The following SPMIP6 variants were observed in gnomAD, a reference collection of about 807,000 sequenced individuals.
SPMIP6 encodes the protein sperm microtubule inner protein 6.
the SPMIP6 span, chr9:34,381,428 G>A: frequency 3.8e-5 from 61 of 1,613,930 alleles, no homozygotes; most frequent in Non-Finnish European, 5.1e-5. This position sits in a 1 kb window ranked among gnomAD's most constrained non-coding sequence, Gnocchi z 4.4. Flanking sequence ...TCGAACTGCT[G>A]TCTCCATCCT....
the SPMIP6 span, among the ~76,000 whole-genome samples, chr9:34,397,178 G>A: frequency 6.6e-6 from 1 of 152,134 alleles, no homozygotes; most frequent in Non-Finnish European, 1.5e-5. Context: ...CACCTTGAGA[G>A]AGGGTTTTCC....
chr9:34,392,674 T>C, the SPMIP6 span, among the ~76,000 whole-genome samples: 1 of 152,174 alleles, frequency 6.6e-6, no homozygotes, highest in African/African-American at 2.4e-5. This position sits in a 1 kb window ranked among gnomAD's most constrained non-coding sequence, Gnocchi z 4.6. Context: ...CATCTATTTT[T>C]AAGCCTGAAG....
the SPMIP6 span, chr9:34,382,757 AG>A: frequency 6.2e-7 from 1 of 1,611,002 alleles, no homozygotes; most frequent in Non-Finnish European, 8.5e-7. Context: ...CAGATACCTT[AG>A]GCAGCCGAGG....
the SPMIP6 span, among the ~76,000 whole-genome samples, chr9:34,395,162 C>A: frequency 2.6e-3 from 392 of 152,210 alleles, 1 homozygote; most frequent in African/African-American, 9.0e-3. Flanking sequence ...AGGATTTCAC[C>A]ATGATGCCCA....
chr9:34,388,968 G>A, the SPMIP6 span, among the ~76,000 whole-genome samples: 476 of 118,962 alleles, frequency 4.0e-3, 1 homozygote, highest in African/African-American at 0.015. Flanking sequence ...GGGTCTCACT[G>A]TTGCCCAGGC....
the SPMIP6 span, among the ~76,000 whole-genome samples, chr9:34,394,584 C>T: frequency 1.3e-5 from 2 of 152,008 alleles, no homozygotes; most frequent in Admixed American, 1.3e-4. Flanking sequence ...ATTGTGAGCT[C>T]ATGTTTAATT....
the SPMIP6 span, chr9:34,379,896 T>A: frequency 1.7e-6 from 1 of 583,032 alleles, no homozygotes; most frequent in Non-Finnish European, 3.1e-6. The surrounding 1 kb of genome is among the most constrained non-coding windows in gnomAD (Gnocchi z 4.2). Flanking sequence ...CAGCACCGAT[T>A]CGGGAACCCC....
the SPMIP6 span, chr9:34,385,900 C>G: frequency 1.1e-6 from 1 of 936,420 alleles, no homozygotes; most frequent in South Asian, 1.7e-5. Context: ...TCCCAACCCC[C>G]CTCCCCATGT....
At chr9:34,387,922 G>T in the SPMIP6 span, among the ~76,000 whole-genome samples, 2 of 152,152 alleles carry the variant, frequency 1.3e-5, no homozygotes, top group African/African-American at 4.8e-5. Context: ...TAATGACTTA[G>T]CTGCCAGTGT....
the SPMIP6 span, among the ~76,000 whole-genome samples, chr9:34,390,819 A>G: frequency 1.6e-4 from 25 of 151,990 alleles, no homozygotes; most frequent in African/African-American, 5.6e-4. Flanking sequence ...CGGGGGTCTC[A>G]CTATGTTGCC....
chr9:34,381,269 C>T, the SPMIP6 span: 16 of 1,594,360 alleles, frequency 1.0e-5, no homozygotes, highest in Non-Finnish European at 1.3e-5. The surrounding 1 kb of genome is among the most constrained non-coding windows in gnomAD (Gnocchi z 4.4). Context: ...CCAGGACCCT[C>T]GGCCTCCTCC....
At chr9:34,381,409 G>C in the SPMIP6 span, 1 of 1,614,068 alleles carries the variant, frequency 6.2e-7, no homozygotes, top group South Asian at 1.1e-5. This position sits in a 1 kb window ranked among gnomAD's most constrained non-coding sequence, Gnocchi z 4.4. Flanking sequence ...GGCATTCCAA[G>C]GGCATTCCTC....
the SPMIP6 span, chr9:34,381,691 C>A: frequency 7.2e-7 from 1 of 1,383,202 alleles, no homozygotes. This position sits in a 1 kb window ranked among gnomAD's most constrained non-coding sequence, Gnocchi z 4.4. Flanking sequence ...CTGTGACAAC[C>A]CTGTCTCAGC....
At chr9:34,386,656 T>C in the SPMIP6 span, among the ~76,000 whole-genome samples, 1 of 152,018 alleles carries the variant, frequency 6.6e-6, no homozygotes, top group Non-Finnish European at 1.5e-5. Flanking sequence ...GCTCTGGCCC[T>C]GACACCAGTG....
chr9:34,381,337 G>C, the SPMIP6 span: 10 of 1,607,476 alleles, frequency 6.2e-6, no homozygotes, highest in Middle Eastern at 1.7e-3. The surrounding 1 kb of genome is among the most constrained non-coding windows in gnomAD (Gnocchi z 4.4). Context: ...CTCTCCACCC[G>C]TTCTTTCCAA....
chr9:34,397,624 A>C, the SPMIP6 span: 1 of 1,605,256 alleles, frequency 6.2e-7, no homozygotes. Context: ...TTACGGGAGA[A>C]CAGGAACATG....
the SPMIP6 span, among the ~76,000 whole-genome samples, chr9:34,382,041 G>A: frequency 6.6e-6 from 1 of 152,214 alleles, no homozygotes; most frequent in Non-Finnish European, 1.5e-5. Flanking sequence ...CATCACAAAG[G>A]AGGAGAAGGT....
the SPMIP6 span, among the ~76,000 whole-genome samples, chr9:34,386,544 G>A: frequency 2.0e-5 from 3 of 150,430 alleles, no homozygotes; most frequent in Non-Finnish European, 2.9e-5. Flanking sequence ...AGCTGAGATC[G>A]TGCCACTGCA....
the SPMIP6 span, chr9:34,379,911 G>A: frequency 3.7e-5 from 21 of 568,254 alleles, no homozygotes; most frequent in Non-Finnish European, 6.3e-5. This position sits in a 1 kb window ranked among gnomAD's most constrained non-coding sequence, Gnocchi z 4.2. Context: ...AACCCCCCTT[G>A]GAAGACTCCC....
Sources: gnomAD v4.1 joint callset for allele counts (sites outside exome capture counted in the v4.1 genomes callset) on GRCh38, gnomAD v4.1.1 for gene constraint, Gnocchi (gnomAD v3.1) non-coding constraint, MANE v1.5 for transcripts, NCBI Gene and HGNC (gene_info 2026-07-23, HGNC 2026-07-21) for gene names.